KCND2: variants seen among roughly 807,000 people sequenced by gnomAD.
KCND2 encodes A-type voltage-gated potassium channel KCND2.
KCND2 carries 16 observed loss-of-function variants against 54.4 expected under a neutral mutation model. The observed-to-expected ratio is 0.29, with a 90% CI of 0.20 to 0.45. The LOEUF (loss-of-function observed/expected upper bound fraction) is 0.45. KCND2 is among the 20% of genes least tolerant of loss of function. The pLI is 1.00. For synonymous variants in KCND2, 317 were observed against 310.7 expected (o/e 1.02, Z -0.21); for missense variants, 486 against 824.2 (o/e 0.59, Z 5.02).
At chr7:120,326,391 T>C (rs1392873064) in intron 1 of KCND2, among the ~76,000 whole-genome samples, 1 of 152,130 alleles carries the variant, frequency 6.6e-6, no homozygotes, top group Non-Finnish European at 1.5e-5. Flanking sequence ...ATTTCTGGCT[T>C]AATTACAAAA....
At chr7:120,540,051 A>G (rs1791961369) in intron 1 of KCND2, among the ~76,000 whole-genome samples, 1 of 152,112 alleles carries the variant, frequency 6.6e-6, no homozygotes, top group Non-Finnish European at 1.5e-5. Flanking sequence ...ATTAGCCACC[A>G]TGCCTGGCTA....
chr7:120,690,399 T>G (rs1238436837), intron 1 of KCND2, among the ~76,000 whole-genome samples: 1 of 152,190 alleles, frequency 6.6e-6, no homozygotes, highest in Non-Finnish European at 1.5e-5. Flanking sequence ...GGTCCTGACC[T>G]TAAGTATTTA....
chr7:120,543,584 A>C (rs1218936197), intron 1 of KCND2, among the ~76,000 whole-genome samples: 1 of 151,990 alleles, frequency 6.6e-6, no homozygotes, highest in African/African-American at 2.4e-5. Flanking sequence ...TATATTCCAA[A>C]ATTTTGTTTT....
At chr7:120,442,652 T>C in intron 1 of KCND2, among the ~76,000 whole-genome samples, 1 of 152,076 alleles carries the variant, frequency 6.6e-6, no homozygotes, top group East Asian at 1.9e-4. Flanking sequence ...TAAAATGATA[T>C]TTACAGACAC....
At chr7:120,415,907 G>A (rs904285725) in intron 1 of KCND2, among the ~76,000 whole-genome samples, 7 of 152,088 alleles carry the variant, frequency 4.6e-5, no homozygotes, top group African/African-American at 1.4e-4. Flanking sequence ...GCATCCATCC[G>A]TTTACAAAAT....
chr7:120,706,423 G>A (rs765962844), intron 1 of KCND2, among the ~76,000 whole-genome samples: 2 of 152,174 alleles, frequency 1.3e-5, no homozygotes, highest in Non-Finnish European at 2.9e-5. Context: ...TATTTGTCTG[G>A]TGAAGGCTGC....
intron 1 of KCND2, among the ~76,000 whole-genome samples, chr7:120,534,627 A>G (rs1791880346): frequency 6.6e-6 from 1 of 152,170 alleles, no homozygotes; most frequent in South Asian, 2.1e-4. Flanking sequence ...GTTGATAGCA[A>G]TGTATCAATG....
intron 1 of KCND2, among the ~76,000 whole-genome samples, chr7:120,657,842 A>C (rs1289885567): frequency 6.6e-6 from 1 of 151,952 alleles, no homozygotes. Flanking sequence ...AGTGAGACTG[A>C]ATCTCAAAAA....
chr7:120,582,513 C>G (rs73439886), intron 1 of KCND2, among the ~76,000 whole-genome samples: 1 of 151,922 alleles, frequency 6.6e-6, no homozygotes, highest in Non-Finnish European at 1.5e-5. Flanking sequence ...TACTATTGGC[C>G]GCTTTCTGCT....
chr7:120,324,127 C>A (rs1173137758), intron 1 of KCND2, among the ~76,000 whole-genome samples: 2 of 151,418 alleles, frequency 1.3e-5, no homozygotes, highest in Non-Finnish European at 2.9e-5. Flanking sequence ...ATGTCCTTCA[C>A]CCACTTTTTG....
chr7:120,512,138 G>A (rs1803124853), intron 1 of KCND2, among the ~76,000 whole-genome samples: 1 of 152,026 alleles, frequency 6.6e-6, no homozygotes, highest in Non-Finnish European at 1.5e-5. Flanking sequence ...TCACTTTTGA[G>A]AGCAGAGAAC....
chr7:120,275,547 C>G lies in KCND2; in HGVS notation c.915C>G (p.Arg305=), dbSNP rs373648123. Residue 305 remains arginine (R), a synonymous_variant, in exon 1 of 6, where the codon CGC becomes CGG. Transcript: ENST00000331113. ...FRVFRIFKFS[R]HSQGLRILGY... The stretch of plus-strand genomic sequence containing the variant: ...TCTTCAGGATCTTTAAGTTTTCCCG[C>G]CACTCTCAAGGCCTGCGCATCCTGG... 5.0e-6 allele frequency: 8 copies of G among 1,612,938 alleles called. No individual in the cohort carries two copies. In the African/African-American group the frequency reaches 1.1e-4, roughly 22 times the overall value.
At chr7:120,629,949 G>A (rs746621160) in intron 1 of KCND2, among the ~76,000 whole-genome samples, 4 of 152,282 alleles carry the variant, frequency 2.6e-5, no homozygotes, top group Non-Finnish European at 5.9e-5. Flanking sequence ...TAAGTAAGCT[G>A]TTGGCTATAC....
At chr7:120,346,663 TCTCTC>T (rs948561483) in intron 1 of KCND2, among the ~76,000 whole-genome samples, 1 of 151,242 alleles carries the variant, frequency 6.6e-6, no homozygotes, top group Non-Finnish European at 1.5e-5. Flanking sequence ...AATTTTCTCT[TCTCTC>T]CTCTCTCTCT....
At chr7:120,361,065 T>C (rs1344475518) in intron 1 of KCND2, among the ~76,000 whole-genome samples, 1 of 152,082 alleles carries the variant, frequency 6.6e-6, no homozygotes, top group Non-Finnish European at 1.5e-5. Flanking sequence ...GTACTGGTCC[T>C]TGTGGCTTGT....
chr7:120,547,036 T>A (rs1453764681), intron 1 of KCND2, among the ~76,000 whole-genome samples: 1 of 151,874 alleles, frequency 6.6e-6, no homozygotes, highest in Non-Finnish European at 1.5e-5. Flanking sequence ...GTCTTACAAC[T>A]GATATTCTTA....
intron 1 of KCND2, among the ~76,000 whole-genome samples, chr7:120,470,314 T>G (rs1802435414): frequency 6.6e-6 from 1 of 152,116 alleles, no homozygotes; most frequent in Non-Finnish European, 1.5e-5. Flanking sequence ...CACCAATGAA[T>G]GTTTGACAAC....
At chr7:120,730,039 T>C (rs1267424967) in intron 1 of KCND2, among the ~76,000 whole-genome samples, 2 of 152,134 alleles carry the variant, frequency 1.3e-5, no homozygotes. Context: ...AAGTAAACAG[T>C]AAATAATGAT....
intron 1 of KCND2, among the ~76,000 whole-genome samples, chr7:120,358,590 G>C (rs1219122097): frequency 6.6e-6 from 1 of 151,914 alleles, no homozygotes; most frequent in Non-Finnish European, 1.5e-5. Flanking sequence ...CAATATTGCT[G>C]ATACTGCTAA....
Sources: gnomAD v4.1 joint callset for allele counts (sites outside exome capture counted in the v4.1 genomes callset) on GRCh38, gnomAD v4.1.1 for gene constraint, MANE v1.5 for transcripts, NCBI Gene and HGNC (gene_info 2026-07-23, HGNC 2026-07-21) for gene names.